TENM3: variants seen among roughly 807,000 people sequenced by gnomAD.
The protein encoded by TENM3 is teneurin-3.
Under a neutral mutation model 255.1 loss-of-function variants are expected in TENM3, and 63 were observed. The ratio of observed to expected loss-of-function variants is 0.25; its 90% CI spans 0.20 to 0.30. The LOEUF is 0.30. TENM3 is among the 10% of genes least tolerant of loss of function. TENM3 has a pLI of 1.00. For missense variants in TENM3, 2,929 were observed against 3,461.1 expected, an observed-to-expected ratio of 0.85 and a Z score of 3.86; for synonymous variants, 1,306 against 1,322.3, an observed-to-expected ratio of 0.99 and a Z score of 0.27.
chr4:181,489,451 T>C, the TENM3 span, among the ~76,000 whole-genome samples: 3 of 152,162 alleles, frequency 2.0e-5, no homozygotes, highest in African/African-American at 7.2e-5. Flanking sequence ...ACAATTTAAA[T>C]TATAATCAAT....
At chr4:182,172,447 G>T (rs1393950413) in intron 1 of TENM3, among the ~76,000 whole-genome samples, 1 of 152,146 alleles carries the variant, frequency 6.6e-6, no homozygotes, top group Non-Finnish European at 1.5e-5. Flanking sequence ...TAGCTACCAT[G>T]TATCCTTTGT....
chr4:181,471,072 G>A, the TENM3 span, among the ~76,000 whole-genome samples: 1 of 151,794 alleles, frequency 6.6e-6, no homozygotes, highest in Non-Finnish European at 1.5e-5. Context: ...AATGAATATT[G>A]ATTTTTCTCA....
intron 4 of TENM3, among the ~76,000 whole-genome samples, chr4:182,612,281 A>AC (rs1179376735): frequency 1.3e-5 from 2 of 152,012 alleles, no homozygotes; most frequent in African/African-American, 4.8e-5. Context: ...CAAAAAAAAA[A>AC]AAAAAAAAAT....
the TENM3 span, among the ~76,000 whole-genome samples, chr4:181,485,478 AAG>A: frequency 8.1e-6 from 1 of 123,100 alleles, no homozygotes; most frequent in African/African-American, 3.7e-5. Flanking sequence ...ACGGTAGAAG[AAG>A]ATTTTTTTTA....
At chr4:181,462,736 C>T in the TENM3 span, among the ~76,000 whole-genome samples, 1 of 152,292 alleles carries the variant, frequency 6.6e-6, no homozygotes, top group East Asian at 1.9e-4. Context: ...CTCCTACTGA[C>T]CACACTTTTC....
chr4:181,848,612 C>T, the TENM3 span, among the ~76,000 whole-genome samples: 1 of 152,006 alleles, frequency 6.6e-6, no homozygotes, highest in Non-Finnish European at 1.5e-5. Flanking sequence ...TCAACCCCAA[C>T]ATCAAAACGA....
At chr4:181,898,681 C>A in the TENM3 span, among the ~76,000 whole-genome samples, 5 of 152,142 alleles carry the variant, frequency 3.3e-5, no homozygotes, top group Non-Finnish European at 7.4e-5. Flanking sequence ...AGACCAGACC[C>A]CTTTCTACAT....
chr4:182,170,141 A>G (rs773918835), intron 1 of TENM3, among the ~76,000 whole-genome samples: 5 of 151,660 alleles, frequency 3.3e-5, no homozygotes, highest in African/African-American at 4.8e-5. Context: ...TGTGTTTCAT[A>G]TGTCTTTCAT....
intron 3 of TENM3, among the ~76,000 whole-genome samples, chr4:182,408,439 G>T (rs1051973014): frequency 6.6e-6 from 1 of 152,170 alleles, no homozygotes; most frequent in Non-Finnish European, 1.5e-5. Context: ...ACGGTTGGTT[G>T]TGTTTCCCTA....
chr4:182,107,526 G>A, the TENM3 span, among the ~76,000 whole-genome samples: 2 of 152,204 alleles, frequency 1.3e-5, no homozygotes, highest in Admixed American at 6.5e-5. Flanking sequence ...GAAAAGTGGG[G>A]GGACATTGGG....
At chr4:182,228,392 G>GTGTATATA (rs139457090) in intron 1 of TENM3, among the ~76,000 whole-genome samples, 3 of 104,428 alleles carry the variant, frequency 2.9e-5, no homozygotes, top group African/African-American at 1.3e-4. Context: ...GTGTGTGTGT[G>GTGTATATA]TATATGTAAT....
At chr4:182,361,012 T>C (rs1765935488) in intron 3 of TENM3, among the ~76,000 whole-genome samples, 1 of 152,226 alleles carries the variant, frequency 6.6e-6, no homozygotes, top group African/African-American at 2.4e-5. Context: ...AAATTCTGGG[T>C]TGAAAATTCT....
chr4:182,375,357 C>T (rs1767102822), intron 3 of TENM3, among the ~76,000 whole-genome samples: 1 of 151,888 alleles, frequency 6.6e-6, no homozygotes, highest in South Asian at 2.1e-4. Context: ...TTTTCAACAG[C>T]GGAATGAACG....
intron 3 of TENM3, among the ~76,000 whole-genome samples, chr4:182,539,887 A>T (rs1740689134): frequency 6.6e-6 from 1 of 152,168 alleles, no homozygotes; most frequent in African/African-American, 2.4e-5. Flanking sequence ...CCACGTGGAG[A>T]TGTCAGATAG....
the TENM3 span, among the ~76,000 whole-genome samples, chr4:181,549,596 C>T: frequency 1.3e-5 from 2 of 152,288 alleles, no homozygotes; most frequent in Admixed American, 6.5e-5. Flanking sequence ...TAAAATGGAT[C>T]ATATGGTATA....
chr4:182,258,951 T>C (rs1228340723), intron 1 of TENM3, among the ~76,000 whole-genome samples: 2 of 152,190 alleles, frequency 1.3e-5, no homozygotes, highest in Admixed American at 1.3e-4. Context: ...ATTTTTGGAG[T>C]GCTGTGCTTT....
intron 1 of TENM3, among the ~76,000 whole-genome samples, chr4:182,222,163 T>G (rs1755886780): frequency 6.6e-6 from 1 of 152,218 alleles, no homozygotes; most frequent in African/African-American, 2.4e-5. Flanking sequence ...TTTTTGCCAA[T>G]TGAATTATGA....
At chr4:181,605,552 A>AAGAAAGAGAAAGAAAGAAAGAAAG in the TENM3 span, among the ~76,000 whole-genome samples, 1 of 29,466 alleles carries the variant, frequency 3.4e-5, no homozygotes, top group African/African-American at 8.1e-5. Context: ...GAAAGAAAGA[A>AAGAAAGAGAAAGAAAGAAAGAAAG]AGAAAGAAAG....
chr4:182,042,509 G>A, the TENM3 span, among the ~76,000 whole-genome samples: 1 of 152,092 alleles, frequency 6.6e-6, no homozygotes, highest in African/African-American at 2.4e-5. Context: ...GGGCTTAATG[G>A]GTTGAACTCT....
Sources: gnomAD v4.1 joint callset for allele counts (sites outside exome capture counted in the v4.1 genomes callset) on GRCh38, gnomAD v4.1.1 for gene constraint, MANE v1.5 for transcripts, NCBI Gene and HGNC (gene_info 2026-07-23, HGNC 2026-07-21) for gene names.